PRMT8: variants seen among roughly 807,000 people sequenced by gnomAD.
PRMT8 encodes the protein protein arginine methyltransferase 8.
In PRMT8, 7 loss-of-function variants were observed where a neutral mutation model predicts 47.1. The observed-to-expected ratio is 0.15, with a 90% CI of 0.08 to 0.28. PRMT8 has a LOEUF of 0.28. PRMT8 is among the 10% of genes least tolerant of loss of function. The pLI, the probability that PRMT8 is intolerant of heterozygous loss-of-function variation, is 1.00. For missense variants in PRMT8, 237 were observed against 505.4 expected, an observed-to-expected ratio of 0.47 and a Z score of 5.09; for synonymous variants, 188 against 186.5, an observed-to-expected ratio of 1.01 and a Z score of -0.07.
At chr12:3,494,382 T>C (rs546284327) in intron 1 of PRMT8, among the ~76,000 whole-genome samples, 28 of 152,318 alleles carry the variant, frequency 1.8e-4, no homozygotes, top group African/African-American at 6.7e-4. Flanking sequence ...TCATTTCTTA[T>C]ACCCATTTTA....
chr12:3,468,154 G>T (rs1865122229), intron 1 of PRMT8, among the ~76,000 whole-genome samples: 2 of 152,212 alleles, frequency 1.3e-5, no homozygotes, highest in Admixed American at 6.5e-5. Flanking sequence ...CTTGTGGCTG[G>T]TGAGTCTCAG....
At chr12:3,454,803 C>A (rs1052116283) in intron 1 of PRMT8, among the ~76,000 whole-genome samples, 7 of 152,140 alleles carry the variant, frequency 4.6e-5, no homozygotes, top group African/African-American at 1.4e-4. Context: ...CCCACAGACC[C>A]CGCTACAAGG....
At chr12:3,445,577 A>G (rs1028697214) in intron 1 of PRMT8, among the ~76,000 whole-genome samples, 2 of 152,142 alleles carry the variant, frequency 1.3e-5, no homozygotes, top group African/African-American at 4.8e-5. Context: ...TGTGTAGACA[A>G]ATAGCTCTCG....
chr12:3,496,657 GATGAA>G (rs994348543), intron 1 of PRMT8, among the ~76,000 whole-genome samples: 2 of 152,054 alleles, frequency 1.3e-5, no homozygotes, highest in African/African-American at 4.8e-5. Context: ...TTGTTGTGAA[GATGAA>G]AAGGGTTAAT....
chr12:3,489,542 C>G (rs968269365), upstream of PRMT8, among the ~76,000 whole-genome samples: 1 of 152,126 alleles, frequency 6.6e-6, no homozygotes, highest in Non-Finnish European at 1.5e-5. Flanking sequence ...TGCACAAACA[C>G]TGAGACACTT....
intron 1 of PRMT8, among the ~76,000 whole-genome samples, chr12:3,462,189 C>G (rs1019854325): frequency 6.6e-6 from 1 of 152,028 alleles, no homozygotes; most frequent in African/African-American, 2.4e-5. Flanking sequence ...TGATAACCTC[C>G]AGCTCCATCC....
intron 8 of PRMT8, among the ~76,000 whole-genome samples, chr12:3,584,610 A>G (rs944305474): frequency 6.6e-6 from 1 of 152,218 alleles, no homozygotes; most frequent in African/African-American, 2.4e-5. Context: ...CAAAGAAAGC[A>G]TTCTCACCCC....
intron 1 of PRMT8, among the ~76,000 whole-genome samples, chr12:3,532,907 C>T (rs113467405): frequency 3.3e-5 from 5 of 152,256 alleles, no homozygotes; most frequent in African/African-American, 9.6e-5. Flanking sequence ...GAACCACTGC[C>T]GTAGACCCCT....
intron 8 of PRMT8, among the ~76,000 whole-genome samples, 199 bp from the exon 9 acceptor site, chr12:3,592,032 G>C (rs1274799259): frequency 1.3e-5 from 2 of 152,074 alleles, no homozygotes; most frequent in Non-Finnish European, 2.9e-5. Context: ...AGGCCACTGG[G>C]ACTGAGAGGG....
intron 1 of PRMT8, among the ~76,000 whole-genome samples, chr12:3,494,393 T>C (rs1180605440): frequency 6.6e-6 from 1 of 152,156 alleles, no homozygotes; most frequent in Non-Finnish European, 1.5e-5. Context: ...ACCCATTTTA[T>C]AGTTGAGGAC....
intron 1 of PRMT8, among the ~76,000 whole-genome samples, chr12:3,448,197 G>T (rs892491784): frequency 6.6e-6 from 1 of 152,124 alleles, no homozygotes; most frequent in African/African-American, 2.4e-5. Flanking sequence ...TAGAGGTGGG[G>T]TCTTGTTATG....
At chr12:3,524,096 C>T (rs1335764299) in intron 1 of PRMT8, among the ~76,000 whole-genome samples, 1 of 152,158 alleles carries the variant, frequency 6.6e-6, no homozygotes, top group Non-Finnish European at 1.5e-5. Flanking sequence ...TTCCATTCAC[C>T]TTGACATTCC....
At chr12:3,398,650 A>T (rs984516988) in intron 1 of PRMT8, among the ~76,000 whole-genome samples, 1 of 152,116 alleles carries the variant, frequency 6.6e-6, no homozygotes, top group African/African-American at 2.4e-5. Context: ...CTTATGTAAA[A>T]TCAATCAGCC....
At position 3,557,303 on chromosome 12, in the gene PRMT8, A is replaced by G. The variant is rs1387998892; in HGVS notation, c.481+3589A>G. Among the ~76,000 whole-genome samples, 4 of 152,186 alleles carry G rather than the reference A, an allele frequency of 2.6e-5. No homozygotes were observed. Among genetic ancestry groups the G allele is most frequent in the Non-Finnish European group, 4.4e-5 (3 of 68,022 alleles). On this transcript the variant is annotated intron_variant, in intron 4 of 9. Coordinates refer to ENST00000382622, the MANE Select transcript of PRMT8 (RefSeq NM_019854.5). The surrounding 1 kb of genome is among the most constrained non-coding windows in gnomAD (Gnocchi z 4.7). ...GATCAGGGCTTTGCTGGGAGCATGC[A>G]GCAGAGGGAGGGGGAGCTGGAAGTT...
At chr12:3,522,648 T>TAAAA (rs57112104) in intron 1 of PRMT8, among the ~76,000 whole-genome samples, 2 of 131,024 alleles carry the variant, frequency 1.5e-5, no homozygotes, top group East Asian at 2.2e-4. Context: ...GAGACTCCAT[T>TAAAA]AAAAAAAAAA....
At chr12:3,425,270 G>T (rs963859964) in intron 1 of PRMT8, among the ~76,000 whole-genome samples, 1 of 152,202 alleles carries the variant, frequency 6.6e-6, no homozygotes, top group African/African-American at 2.4e-5. Context: ...AGCATGGGGG[G>T]TCTTTATGTT....
chr12:3,443,955 A>G (rs7970964), intron 1 of PRMT8, among the ~76,000 whole-genome samples: 7,706 of 152,302 alleles, frequency 0.051, 324 homozygotes, highest in South Asian at 0.17. Flanking sequence ...TCTTTCGTCT[A>G]AGTTCGGCCT....
At chr12:3,451,008 T>C (rs1439338155) in intron 1 of PRMT8, among the ~76,000 whole-genome samples, 1 of 145,590 alleles carries the variant, frequency 6.9e-6, no homozygotes, top group Non-Finnish European at 1.5e-5. Flanking sequence ...AGTTTTATTA[T>C]GAAAGCAGTT....
At chr12:3,437,750 G>T (rs1864760351) in intron 1 of PRMT8, among the ~76,000 whole-genome samples, 1 of 151,918 alleles carries the variant, frequency 6.6e-6, no homozygotes, top group South Asian at 2.1e-4. Flanking sequence ...CACTGACTGT[G>T]TGACCTTAGG....
Sources: allele counts gnomAD v4.1 joint callset (sites outside exome capture counted in the v4.1 genomes callset), GRCh38; gene constraint gnomAD v4.1.1; non-coding constraint Gnocchi (gnomAD v3.1); transcripts MANE v1.5; gene names NCBI Gene and HGNC (gene_info 2026-07-23, HGNC 2026-07-21).